The following HTT-AS variants were observed in gnomAD, a reference collection of about 807,000 sequenced individuals.
The protein encoded by HTT-AS is HTT antisense RNA (head to head).
intron 2 of HTT-AS, among the ~76,000 whole-genome samples, chr4:3,049,875 G>A (rs1361614116): frequency 6.6e-6 from 1 of 150,508 alleles, no homozygotes; most frequent in African/African-American, 2.4e-5. Flanking sequence ...ATAGCCCAGG[G>A]TTATAAACTA....
chr4:3,052,928 G>A (rs755375831), intron 2 of HTT-AS, among the ~76,000 whole-genome samples: 29 of 152,026 alleles, frequency 1.9e-4, no homozygotes, highest in Admixed American at 7.2e-4. Flanking sequence ...CCCAGGAGGC[G>A]GAGGTTGCAG....
At chr4:3,071,065 AGAT>A (rs758333779) in intron 1 of HTT-AS, among the ~76,000 whole-genome samples, 3 of 152,250 alleles carry the variant, frequency 2.0e-5, no homozygotes, top group Non-Finnish European at 2.9e-5. Flanking sequence ...AATTCTAGGC[AGAT>A]GATGTTTTCT....
chr4:3,060,995 T>C (rs927941642), intron 2 of HTT-AS, among the ~76,000 whole-genome samples: 1 of 152,210 alleles, frequency 6.6e-6, no homozygotes, highest in Non-Finnish European at 1.5e-5. Flanking sequence ...CACCCCTCTC[T>C]CTCTATAGGA....
intron 2 of HTT-AS, among the ~76,000 whole-genome samples, chr4:3,052,882 G>A (rs1266888654): frequency 6.6e-6 from 1 of 152,206 alleles, no homozygotes. Context: ...TATAGTCCCA[G>A]CTATTTGGGA....
intron 2 of HTT-AS, among the ~76,000 whole-genome samples, chr4:3,053,827 A>C (rs904266274): frequency 2.8e-5 from 4 of 142,378 alleles, no homozygotes; most frequent in African/African-American, 7.9e-5. Flanking sequence ...GGCGTGATCT[A>C]GGCTCACTAC....
At chr4:3,052,670 G>C (rs561554682) in intron 2 of HTT-AS, among the ~76,000 whole-genome samples, 3 of 151,900 alleles carry the variant, frequency 2.0e-5, no homozygotes, top group African/African-American at 7.3e-5. Flanking sequence ...CTCTTTTTTG[G>C]GGGGGATCCA....
intron 1 of HTT-AS, among the ~76,000 whole-genome samples, chr4:3,069,568 C>T (rs1433576460): frequency 6.6e-6 from 1 of 151,986 alleles, no homozygotes; most frequent in East Asian, 1.9e-4. Context: ...CGTATATCAA[C>T]GATTACAGTT....
chr4:3,052,805 A>G (rs1211700065), intron 2 of HTT-AS, among the ~76,000 whole-genome samples: 1 of 151,538 alleles, frequency 6.6e-6, no homozygotes, highest in Admixed American at 6.6e-5. Context: ...CCTGGGCAAC[A>G]TGGTGAAACC....
At chr4:3,066,369 C>T (rs1272416256) in intron 1 of HTT-AS, among the ~76,000 whole-genome samples, 1 of 152,120 alleles carries the variant, frequency 6.6e-6, no homozygotes, top group East Asian at 1.9e-4. Flanking sequence ...GGGGTTTCAC[C>T]ATGTTGGCCA....
chr4:3,060,084 A>G (rs1189397693), intron 2 of HTT-AS, among the ~76,000 whole-genome samples: 1 of 151,954 alleles, frequency 6.6e-6, no homozygotes, highest in African/African-American at 2.4e-5. Flanking sequence ...TGGTTATTTA[A>G]TACTTCCCTA....
intron 2 of HTT-AS, among the ~76,000 whole-genome samples, chr4:3,061,392 G>A (rs1172199897): frequency 2.6e-5 from 4 of 152,168 alleles, no homozygotes; most frequent in Admixed American, 6.6e-5. Context: ...CAGAATATGC[G>A]TCTATTGACT....
At chr4:3,068,653 C>CT (rs563024282) in intron 1 of HTT-AS, among the ~76,000 whole-genome samples, 9,918 of 139,066 alleles carry the variant, frequency 0.071, 822 homozygotes, top group African/African-American at 0.18. Context: ...GTGTGTGTAG[C>CT]TTTTTTTTTT....
chr4:3,056,182 G>A (rs1021838201), intron 2 of HTT-AS, among the ~76,000 whole-genome samples: 1 of 152,142 alleles, frequency 6.6e-6, no homozygotes, highest in Non-Finnish European at 1.5e-5. Context: ...CTGACACCAT[G>A]TTAAAAGAAA....
chr4:3,063,775 A>C (rs937618587), intron 1 of HTT-AS: 4 of 152,126 alleles, frequency 2.6e-5, no homozygotes, highest in Admixed American at 1.3e-4. Context: ...GGCCTCAAGC[A>C]ATCTTCCCAC....
At chr4:3,068,094 A>G (rs1712089109) in intron 1 of HTT-AS, among the ~76,000 whole-genome samples, 1 of 150,742 alleles carries the variant, frequency 6.6e-6, no homozygotes. Context: ...TCACGAGGTC[A>G]GGAGACCAAG....
downstream of HTT-AS, among the ~76,000 whole-genome samples, chr4:3,048,823 G>A (rs1448391701): frequency 6.6e-6 from 1 of 152,128 alleles, no homozygotes; most frequent in Non-Finnish European, 1.5e-5. Flanking sequence ...TCTAAACCAT[G>A]GAAAAGTGAT....
At chr4:3,061,363 C>G (rs1711922242) in intron 2 of HTT-AS, among the ~76,000 whole-genome samples, 1 of 152,138 alleles carries the variant, frequency 6.6e-6, no homozygotes, top group African/African-American at 2.4e-5. Flanking sequence ...CTCCGATAAG[C>G]CTTTCCAAAG....
chr4:3,062,948 C>T (rs937549845), exon 2 of HTT-AS, among the ~76,000 whole-genome samples: 14 of 152,084 alleles, frequency 9.2e-5, no homozygotes, highest in Admixed American at 5.2e-4. Flanking sequence ...TCAGGAAAGA[C>T]CTATGTCCCA....
intron 2 of HTT-AS, among the ~76,000 whole-genome samples, chr4:3,055,088 C>A (rs1032998865): frequency 6.6e-6 from 1 of 152,042 alleles, no homozygotes; most frequent in Non-Finnish European, 1.5e-5. Flanking sequence ...GTGGCTCACA[C>A]CTGTAATCCC....
Sources: allele counts gnomAD v4.1 joint callset (sites outside exome capture counted in the v4.1 genomes callset), GRCh38; gene constraint gnomAD v4.1.1; transcripts MANE v1.5; gene names NCBI Gene and HGNC (gene_info 2026-07-23, HGNC 2026-07-21).